Variants in SKA1 observed in about 807,000 individuals in gnomAD.
SKA1 encodes the protein spindle and kinetochore associated complex subunit 1.
A neutral mutation model predicts 31.8 loss-of-function variants in SKA1; 20 were observed. The observed-to-expected ratio is 0.63, with a 90% CI of 0.44 to 0.91. The LOEUF (loss-of-function observed/expected upper bound fraction) is 0.91. Ranked by LOEUF, SKA1 falls within the 40% of genes least tolerant of loss-of-function variation. The pLI is 0.00. For missense variants in SKA1, 253 were observed against 298.2 expected (o/e 0.85, Z 1.12); for synonymous variants, 88 against 100.5 (o/e 0.88, Z 0.74).
chr18:50,380,224 C>T lies in SKA1; in HGVS notation c.187C>T (p.Gln63Ter). 1 of 1,545,638 alleles carries T rather than the reference C, an allele frequency of 6.5e-7. No homozygotes were observed. Among genetic ancestry groups the T allele is most frequent in the Non-Finnish European group, 8.6e-7 (1 of 1,156,076 alleles). Reference protein sequence around the residue: ...LNKLELEIQYQEQTNNSLKEL... With the variant: ...LNKLELEIQY ...TAAATTGGAATTGGAAATTCAGTAT[C>T]AAGAACAAACCAACAATTCACTCAA... is the stretch of plus-strand genomic sequence containing the variant. Residue 63 changes from glutamine (Q) to a stop codon, truncating the protein, a stop_gained, in exon 3 of 7, where the codon CAA becomes TAA. Transcript: ENST00000285116. LOFTEE classifies it high-confidence loss of function.
intron 4 of SKA1, among the ~76,000 whole-genome samples, chr18:50,384,073 C>G (rs1205329196): frequency 6.6e-6 from 1 of 152,182 alleles, no homozygotes; most frequent in Non-Finnish European, 1.5e-5. Flanking sequence ...AATTCCAGGG[C>G]TTTGCTTAAC....
intron 2 of SKA1, among the ~76,000 whole-genome samples, chr18:50,379,361 A>G (rs987546531): frequency 6.6e-6 from 1 of 152,028 alleles, no homozygotes; most frequent in Non-Finnish European, 1.5e-5. Context: ...TTTTTATGTT[A>G]CTTTGTCTGC....
intron 4 of SKA1, among the ~76,000 whole-genome samples, chr18:50,382,514 T>A (rs2041271428): frequency 6.6e-6 from 1 of 152,034 alleles, no homozygotes; most frequent in Non-Finnish European, 1.5e-5. Context: ...CGTTTGTTCC[T>A]TGACATTTTA....
At chr18:50,383,234 C>T (rs917508392) in intron 4 of SKA1, among the ~76,000 whole-genome samples, 6 of 152,192 alleles carry the variant, frequency 3.9e-5, no homozygotes, top group Non-Finnish European at 7.3e-5. Context: ...AAAAATCCCT[C>T]GTCAGCCCTG....
chr18:50,386,067 A>G (rs2041305024), intron 5 of SKA1, among the ~76,000 whole-genome samples: 2 of 152,188 alleles, frequency 1.3e-5, no homozygotes, highest in Non-Finnish European at 1.5e-5. Flanking sequence ...TTATTTGACT[A>G]TACATATGTA....
intron 3 of SKA1, 92 bp downstream of exon 3, chr18:50,380,342 T>A: frequency 7.5e-7 from 1 of 1,337,354 alleles, no homozygotes; most frequent in Non-Finnish European, 9.9e-7. Flanking sequence ...TTGTTTATAA[T>A]GTTTTTTGTT....
chr18:50,388,338 C>T (rs890056705), intron 5 of SKA1, among the ~76,000 whole-genome samples: 1 of 152,190 alleles, frequency 6.6e-6, no homozygotes, highest in African/African-American at 2.4e-5. Flanking sequence ...GATCCACCCG[C>T]CTCAGCCTCC....
At chr18:50,377,594 C>G (rs908509471) in intron 2 of SKA1, among the ~76,000 whole-genome samples, 1 of 152,144 alleles carries the variant, frequency 6.6e-6, no homozygotes, top group Non-Finnish European at 1.5e-5. Flanking sequence ...TTCAGAGAAA[C>G]AGATGATCCT....
chr18:50,378,905 T>C (rs2041242442), intron 2 of SKA1, among the ~76,000 whole-genome samples: 1 of 152,206 alleles, frequency 6.6e-6, no homozygotes, highest in Admixed American at 6.5e-5. Context: ...CTCATGATGA[T>C]GATGAATGGC....
chr18:50,381,055 A>G (rs1010572512), intron 3 of SKA1, among the ~76,000 whole-genome samples: 1 of 152,238 alleles, frequency 6.6e-6, no homozygotes, highest in African/African-American at 2.4e-5. Context: ...TTCAAGGAAA[A>G]GACATTATAT....
At chr18:50,384,718 A>AG (rs1292758933) in intron 4 of SKA1, among the ~76,000 whole-genome samples, 1 of 38,442 alleles carries the variant, frequency 2.6e-5, no homozygotes, top group Non-Finnish European at 4.7e-5. Context: ...GGGTCGGGGG[A>AG]GGGGGGAGGG....
rs1174622714 is a variant in SKA1, at chr18:50,392,524, A to G, written c.*277A>G. 9.9e-6 allele frequency: 2 copies of G among 202,670 alleles called. No individual in the cohort carries two copies. The highest frequency in any genetic ancestry group is 4.6e-5 in the African/African-American group (2 of 43,204). 12.6% of individuals were successfully genotyped at this position (202,670 alleles called of 1,614,324 possible). ...GCTGGGACTACAAGCGTGCGCCACC[A>G]TGCCTGGCTAATTTTTGTATTTTTT... On this transcript the variant is annotated 3_prime_UTR_variant, in exon 7 of 7. Transcript: ENST00000285116.
intron 5 of SKA1, among the ~76,000 whole-genome samples, chr18:50,389,991 T>C (rs142171704): frequency 6.6e-6 from 1 of 152,326 alleles, no homozygotes; most frequent in African/African-American, 2.4e-5. Flanking sequence ...CATAGAGTTT[T>C]TATTTACTTT....
chr18:50,385,742 G>A lies in SKA1; in HGVS notation c.449+389G>A, dbSNP rs554803411. Reference sequence around the variant, plus strand: ...TGCATTGCACCCCGCACTTGTTTGAGCCTGTGCTATATTCCAGGCCCTGGG... The same window carrying A: ...TGCATTGCACCCCGCACTTGTTTGAACCTGTGCTATATTCCAGGCCCTGGG... On this transcript the variant is annotated intron_variant, in intron 5 of 6. Coordinates refer to ENST00000285116, the MANE Select transcript of SKA1 (RefSeq NM_145060.4). Among the ~76,000 whole-genome samples, 3 of 151,642 alleles carry A rather than the reference G, an allele frequency of 2.0e-5. No homozygotes were observed. The East Asian group carries it at 5.8e-4, about 29-fold the overall frequency.
At position 50,375,930 on chromosome 18, in the gene SKA1, A is replaced by G. The variant is rs1809632735; in HGVS notation, c.88+12A>G. Reference sequence around the variant, plus strand: ...ATTAAGAAACTGTGGTAAGTAAAACAGATTCCACTGACTTTGTATATACAA... The same window carrying G: ...ATTAAGAAACTGTGGTAAGTAAAACGGATTCCACTGACTTTGTATATACAA... On this transcript the variant is annotated intron_variant, in intron 2 of 6. Transcript: ENST00000285116. 8.0e-6 allele frequency: 12 copies of G among 1,498,590 alleles called. No homozygotes were observed. In the Admixed American group the frequency reaches 1.9e-4, roughly 24 times the overall value. The allele number at this position is 1,498,590 out of a possible 1,614,324, so 92.8% of individuals were successfully genotyped here. A position where few individuals can be genotyped will look rare whatever the true frequency, so the allele number is the denominator to read the frequency against.
chr18:50,393,993 G>A lies in SKA1; in HGVS notation c.*1746G>A, dbSNP rs528715773. 2 of 152,306 alleles carry A rather than the reference G, an allele frequency of 1.3e-5. No homozygotes were observed. The highest frequency in any genetic ancestry group is 3.9e-4 in the East Asian group (2 of 5,182). 9.4% of individuals were successfully genotyped at this position (152,306 alleles called of 1,614,324 possible). A position where few individuals can be genotyped will look rare whatever the true frequency, so the allele number is the denominator to read the frequency against. On this transcript the variant is annotated 3_prime_UTR_variant, in exon 7 of 7. Transcript: ENST00000285116. ...TAATCCGTTAACTATGGAGTTCAGG[G>A]AGCTTCAGGGTTGGCAAACATTTTG...
intron 1 of SKA1, 78 bp from the exon 2 acceptor site, chr18:50,375,742 C>A: frequency 2.4e-6 from 2 of 837,368 alleles, no homozygotes; most frequent in Admixed American, 2.4e-5. Flanking sequence ...TTGACATTGA[C>A]CATTCTTGGA....
At chr18:50,385,801 G>C (rs545853340) in intron 5 of SKA1, among the ~76,000 whole-genome samples, 28 of 152,312 alleles carry the variant, frequency 1.8e-4, no homozygotes, top group Non-Finnish European at 3.8e-4. Context: ...AAGACAAAAT[G>C]CTTCCCCCAA....
At chr18:50,388,824 A>C (rs531293467) in intron 5 of SKA1, among the ~76,000 whole-genome samples, 8 of 151,878 alleles carry the variant, frequency 5.3e-5, no homozygotes, top group African/African-American at 1.7e-4. Context: ...CATTTTAAAA[A>C]CTTGGGGGGA....
Sources: allele counts gnomAD v4.1 joint callset (sites outside exome capture counted in the v4.1 genomes callset), GRCh38; gene constraint gnomAD v4.1.1; transcripts MANE v1.5; gene names NCBI Gene and HGNC (gene_info 2026-07-23, HGNC 2026-07-21).